Variants in CUX1 observed in about 807,000 individuals in gnomAD.
CUX1 encodes the protein protein CASP.
Under a neutral mutation model 158.8 loss-of-function variants are expected in CUX1, and 31 were observed. That is an observed-to-expected ratio of 0.20 (90% CI 0.15 to 0.26). The LOEUF (loss-of-function observed/expected upper bound fraction) is 0.26, where lower values mean the gene tolerates loss of function less well. CUX1 is among the 10% of genes least tolerant of loss of function. The pLI is 1.00. For missense variants in CUX1, 1,589 were observed against 2,014.6 expected, an observed-to-expected ratio of 0.79 and a Z score of 4.04; for synonymous variants, 879 against 862.1, an observed-to-expected ratio of 1.02 and a Z score of -0.34.
chr7:101,823,449 A>G lies in CUX1; in HGVS notation c.30+5780A>G, dbSNP rs377099236. Among the ~76,000 whole-genome samples the G allele has an allele frequency of 7.2e-5, 11 of 152,216 alleles. No homozygotes were observed. In the East Asian group the frequency reaches 9.6e-4, roughly 13 times the overall value. ...TAAGGGGTCCGAACCTTTATAAAGC[A>G]CACGACCCCCCAGAGTGGACCGGGC... On this transcript the variant is annotated intron_variant, in intron 1 of 23. Coordinates refer to ENST00000292535, the MANE Select transcript of CUX1 (RefSeq NM_181552.4).
intron 3 of CUX1, among the ~76,000 whole-genome samples, chr7:102,035,652 CAA>C (rs10699446): frequency 1.1e-5 from 1 of 90,652 alleles, no homozygotes; most frequent in Non-Finnish European, 2.1e-5. Flanking sequence ...GATAGCCAGC[CAA>C]AAAAAAAAAA....
chr7:101,911,936 C>T (rs920245879), intron 1 of CUX1, among the ~76,000 whole-genome samples: 16 of 152,284 alleles, frequency 1.1e-4, no homozygotes, highest in Admixed American at 2.0e-4. Flanking sequence ...ACATTTTCTG[C>T]GTTCTGGTGC....
chr7:102,112,242 CTTTT>C (rs1267673413), intron 7 of CUX1, among the ~76,000 whole-genome samples: 2 of 100,774 alleles, frequency 2.0e-5, no homozygotes, highest in African/African-American at 6.5e-5. Flanking sequence ...TTCTCTCTCT[CTTTT>C]TTTTTTTTTT....
At chr7:102,205,212 C>G in intron 20 of CUX1, 42 bp downstream of exon 20, 1 of 1,404,340 alleles carries the variant, frequency 7.1e-7, no homozygotes, top group Non-Finnish European at 1.0e-6. Flanking sequence ...AAATGTCTCA[C>G]TGCCTTTTCT....
At chr7:102,024,055 C>T (rs2129325627) in intron 2 of CUX1, among the ~76,000 whole-genome samples, 1 of 152,338 alleles carries the variant, frequency 6.6e-6, no homozygotes, top group East Asian at 1.9e-4. Context: ...TGTATCATCT[C>T]CTGTACTTCT....
intron 15 of CUX1, chr7:102,274,174 C>T (rs1554547027): frequency 6.8e-7 from 1 of 1,478,798 alleles, no homozygotes; most frequent in South Asian, 1.1e-5. Flanking sequence ...TTTGCCTTGG[C>T]CATGCTGAAA....
At chr7:102,172,049 A>C (rs1372580630) in intron 10 of CUX1, among the ~76,000 whole-genome samples, 1 of 152,178 alleles carries the variant, frequency 6.6e-6, no homozygotes, top group Non-Finnish European at 1.5e-5. Flanking sequence ...TCAATCATTG[A>C]CAATCATTAT....
chr7:101,821,671 C>CTTTTTTTTTTTTTTCTTTTTTTTT (rs1792579664), intron 1 of CUX1, among the ~76,000 whole-genome samples: 1 of 51,302 alleles, frequency 1.9e-5, no homozygotes, highest in Non-Finnish European at 3.3e-5. Context: ...TTTCTTTTTT[C>CTTTTTTTTTTTTTTCTTTTTTTTT]TTTTTTTTTT....
intron 2 of CUX1, among the ~76,000 whole-genome samples, chr7:101,925,144 C>T (rs1411507692): frequency 2.6e-5 from 4 of 152,222 alleles, no homozygotes; most frequent in Non-Finnish European, 5.9e-5. Flanking sequence ...AATTCCACTC[C>T]GTCACCCGGG....
intron 6 of CUX1, among the ~76,000 whole-genome samples, chr7:102,105,405 A>G (rs1427591833): frequency 1.3e-5 from 2 of 151,774 alleles, no homozygotes; most frequent in African/African-American, 4.8e-5. Flanking sequence ...TCCCACAAAT[A>G]ATGAGTTGGT....
chr7:102,204,286 A>G, intron 18 of CUX1, 105 bp from the exon 19 acceptor site: 1 of 1,430,268 alleles, frequency 7.0e-7, no homozygotes, highest in Non-Finnish European at 9.6e-7. Flanking sequence ...CTCAGAAGTC[A>G]GCCCTAGACG....
intron 9 of CUX1, among the ~76,000 whole-genome samples, chr7:102,165,433 C>A (rs1336981124): frequency 1.3e-5 from 2 of 149,666 alleles, no homozygotes; most frequent in African/African-American, 4.9e-5. Flanking sequence ...ACTCACTGCA[C>A]CCTCCCCCTC....
intron 1 of CUX1, among the ~76,000 whole-genome samples, chr7:101,882,810 G>A (rs570398040): frequency 3.3e-5 from 5 of 152,270 alleles, no homozygotes; most frequent in East Asian, 1.9e-4. Flanking sequence ...GGTGACCGGC[G>A]CCCTCTGGGG....
At chr7:101,945,649 A>C (rs1808277219) in intron 2 of CUX1, among the ~76,000 whole-genome samples, 1 of 152,074 alleles carries the variant, frequency 6.6e-6, no homozygotes. Context: ...GGCTGTGGGG[A>C]CTGTGGGGAA....
intron 9 of CUX1, 45 bp downstream of exon 9, chr7:102,158,653 C>T (rs1554506097): frequency 3.1e-6 from 5 of 1,591,136 alleles, no homozygotes; most frequent in Non-Finnish European, 4.3e-6. Context: ...CAATAGCGGG[C>T]CCGTTTCTGG....
At chr7:102,111,499 T>C (rs1261434009) in intron 6 of CUX1, among the ~76,000 whole-genome samples, 199 bp from the exon 7 acceptor site, 1 of 152,218 alleles carries the variant, frequency 6.6e-6, no homozygotes, top group Non-Finnish European at 1.5e-5. Context: ...CTTGCCGTGA[T>C]GTGACACGCA....
chr7:102,043,323 CTGTGTGTG>C (rs57276921), intron 3 of CUX1, among the ~76,000 whole-genome samples: 2,532 of 139,134 alleles, frequency 0.018, 52 homozygotes, highest in African/African-American at 0.06. Flanking sequence ...CATTAGCTCA[CTGTGTGTG>C]TGTGTGTGTG....
chr7:101,842,576 G>A (rs1795283166), intron 1 of CUX1, among the ~76,000 whole-genome samples: 1 of 152,026 alleles, frequency 6.6e-6, no homozygotes, highest in Admixed American at 6.6e-5. Context: ...TTAGTAGACT[G>A]GGTTTCATTA....
rs143506714 is a variant in CUX1 at position 101,994,018 on chromosome 7, C to G, written c.142-34080C>G. 4.9e-3 allele frequency among the ~76,000 whole-genome samples: 748 copies of G among 152,336 alleles called. 9 individuals are homozygous for G. The highest frequency in any genetic ancestry group is 0.017 in the African/African-American group (701 of 41,578). On this transcript the variant is annotated intron_variant, in intron 2 of 23. Coordinates refer to ENST00000292535, the MANE Select transcript of CUX1 (RefSeq NM_181552.4). ...CACTCCCAGAGCCCATCTGTCTCCA[C>G]ACATTGAGGCTTCCAGCCCCCTAAC...
Sources: gnomAD v4.1 joint callset for allele counts (sites outside exome capture counted in the v4.1 genomes callset) on GRCh38, gnomAD v4.1.1 for gene constraint, MANE v1.5 for transcripts, NCBI Gene and HGNC (gene_info 2026-07-23, HGNC 2026-07-21) for gene names.